The following LINGO1 variants were observed in gnomAD, a reference collection of about 807,000 sequenced individuals.
LINGO1 encodes leucine rich repeat and Ig domain containing 1.
A neutral mutation model predicts 37.3 loss-of-function variants in LINGO1; 11 were observed. The observed-to-expected ratio is 0.29, with a 90% CI of 0.19 to 0.49. The LOEUF (loss-of-function observed/expected upper bound fraction) is 0.49. LINGO1 is among the 20% of genes least tolerant of loss of function. The pLI is 0.99. For synonymous variants in LINGO1, 387 were observed against 403.0 expected (o/e 0.96, Z 0.48); for missense variants, 585 against 878.2 (o/e 0.67, Z 4.22).
intron 3 of LINGO1, chr15:77,648,643 C>T (rs893638663): frequency 2.6e-5 from 4 of 152,336 alleles, no homozygotes; most frequent in African/African-American, 9.6e-5. Flanking sequence ...CTTGTCTCAG[C>T]CTCTGGCCTG....
At chr15:77,636,584 T>C (rs891088259), upstream of LINGO1, among the ~76,000 whole-genome samples, 1 of 152,142 alleles carries the variant, frequency 6.6e-6, no homozygotes, top group African/African-American at 2.4e-5. Flanking sequence ...CCCCGTGTTC[T>C]ACTTTATGCC....
chr15:77,641,193 G>T lies in LINGO1; in HGVS notation c.-12-25293C>A, dbSNP rs936220230. 2.6e-5 allele frequency among the ~76,000 whole-genome samples: 4 copies of T among 152,338 alleles called. No individual in the cohort carries two copies. In the East Asian group the frequency reaches 7.7e-4, roughly 29 times the overall value. On this transcript the variant is annotated intron_variant, in intron 3 of 3. Transcript: ENST00000559893. ...GGAGGTGCCAGCTCAGCTGAGAGTG[G>T]GGTGCGAGGCTGAGGCTGCCACCAC...
rs112209041 is a variant in LINGO1 at position 77,632,311 on chromosome 15, T to C, written c.5A>G (p.Gln2Arg). The C allele has an allele frequency of 1.4e-6, 2 of 1,440,556 alleles. No homozygotes were observed. Among genetic ancestry groups the C allele is most frequent in the South Asian group, 1.4e-5 (1 of 72,414 alleles). 89.2% of individuals were successfully genotyped at this position (1,440,556 alleles called of 1,614,324 possible). A position where few individuals can be genotyped will look rare whatever the true frequency, so the allele number is the denominator to read the frequency against. Residue 2 changes from glutamine to arginine, a missense_variant and splice_region_variant, in exon 1 of 2, where the codon CAG becomes CGG. Transcript: ENST00000355300. This position sits in a 1 kb window ranked among gnomAD's most constrained non-coding sequence, Gnocchi z 6.0. M[Q>R]VSKRMLAGGV... is the part of the protein sequence containing the mutation. ...CTCGGCCGCGGCCGCCTGGCTCACC[T>C]GCATCTCGGGCGCGCCTTCGGTCCG...
At chr15:77,667,310 C>T (rs934942348) in intron 3 of LINGO1, among the ~76,000 whole-genome samples, 1 of 152,176 alleles carries the variant, frequency 6.6e-6, no homozygotes, top group Non-Finnish European at 1.5e-5. Flanking sequence ...TCTGGATGGC[C>T]CTCAATGGAG....
At chr15:77,618,401 T>C (rs927996119) in intron 1 of LINGO1, among the ~76,000 whole-genome samples, 1 of 152,234 alleles carries the variant, frequency 6.6e-6, no homozygotes, top group Non-Finnish European at 1.5e-5. Context: ...CATCTTGTTC[T>C]GGAGAACTGT....
At chr15:77,633,127 G>A (rs1046975638), upstream of LINGO1, among the ~76,000 whole-genome samples, 1 of 151,900 alleles carries the variant, frequency 6.6e-6, no homozygotes, top group South Asian at 2.1e-4. Flanking sequence ...GCAGGGGTGC[G>A]CAGGCGAGGG....
Position 77,613,861 on chromosome 15 carries a change from C to G in LINGO1, c.*183G>C. The G allele has an allele frequency of 1.6e-6, 1 of 617,652 alleles. No individual in the cohort carries two copies. Among genetic ancestry groups the G allele is most frequent in the Non-Finnish European group, 2.8e-6 (1 of 356,704 alleles). 38.3% of individuals were successfully genotyped at this position (617,652 alleles called of 1,614,324 possible). On this transcript the variant is annotated 3_prime_UTR_variant, in exon 2 of 2. Transcript: ENST00000355300. ...TCCCCAGGTCTGGGCTTCTGAGGTC[C>G]TGGTAGAAGGAGGGCAGGTGGTGAG...
intron 3 of LINGO1, among the ~76,000 whole-genome samples, chr15:77,674,812 T>C (rs1295425875): frequency 6.6e-6 from 1 of 151,820 alleles, no homozygotes; most frequent in Admixed American, 6.6e-5. Flanking sequence ...CCCATACGCA[T>C]GCTGTATTTT....
At chr15:77,634,422 G>A (rs115696764), upstream of LINGO1, 401 of 444,446 alleles carry the variant, frequency 9.0e-4, no homozygotes, top group African/African-American at 7.6e-3. Flanking sequence ...CCTCCTAGCA[G>A]GCGTCCATGC....
intron 1 of LINGO1, among the ~76,000 whole-genome samples, chr15:77,769,923 C>T (rs539891312): frequency 1.3e-5 from 2 of 152,238 alleles, no homozygotes; most frequent in Admixed American, 6.5e-5. Context: ...GTGAAGAAAC[C>T]GAGACTCAGT....
chr15:77,709,064 G>C (rs1042646873), intron 2 of LINGO1, among the ~76,000 whole-genome samples: 3 of 152,312 alleles, frequency 2.0e-5, no homozygotes, highest in African/African-American at 7.2e-5. Context: ...TCCTCTCCTA[G>C]AGCCCTGAGA....
At chr15:77,695,107 G>C (rs1302847646) in intron 1 of LINGO1, among the ~76,000 whole-genome samples, 1 of 152,198 alleles carries the variant, frequency 6.6e-6, no homozygotes, top group African/African-American at 2.4e-5. Flanking sequence ...AGCTGGGAGA[G>C]ATTAAAGAAC....
chr15:77,784,517 T>C (rs1456411329), intron 1 of LINGO1: 1 of 152,270 alleles, frequency 6.6e-6, no homozygotes, highest in East Asian at 1.9e-4. Context: ...AAACAATTTG[T>C]TACAATATCC....
intron 1 of LINGO1, among the ~76,000 whole-genome samples, chr15:77,801,278 A>G (rs990152014): frequency 6.6e-6 from 1 of 152,248 alleles, no homozygotes; most frequent in Non-Finnish European, 1.5e-5. Context: ...ACGTTTATCG[A>G]TAAGAGAAAG....
At chr15:77,768,382 G>A (rs1325599716) in intron 1 of LINGO1, among the ~76,000 whole-genome samples, 6 of 152,218 alleles carry the variant, frequency 3.9e-5, no homozygotes, top group Non-Finnish European at 5.9e-5. Context: ...TATTTTTCAT[G>A]TAACAAATAT....
intron 1 of LINGO1, among the ~76,000 whole-genome samples, chr15:77,747,159 C>A (rs1235299720): frequency 6.6e-6 from 1 of 152,198 alleles, no homozygotes; most frequent in Admixed American, 6.5e-5. Flanking sequence ...CAGGACTGCT[C>A]CTCCAGAGCT....
chr15:77,621,237 T>C (rs908131433), intron 1 of LINGO1, among the ~76,000 whole-genome samples: 16 of 152,284 alleles, frequency 1.1e-4, no homozygotes, highest in African/African-American at 3.6e-4. Flanking sequence ...GTATTTTTAC[T>C]AGAGACAGGG....
At chr15:77,652,513 TG>T (rs1330824718) in intron 3 of LINGO1, among the ~76,000 whole-genome samples, 8 of 151,426 alleles carry the variant, frequency 5.3e-5, no homozygotes, top group African/African-American at 1.7e-4. Context: ...TGTGTGTGTG[TG>T]TGTGTGTGTG....
intron 1 of LINGO1, among the ~76,000 whole-genome samples, chr15:77,765,801 G>C (rs1567571314): frequency 6.6e-6 from 1 of 152,184 alleles, no homozygotes; most frequent in Non-Finnish European, 1.5e-5. Flanking sequence ...AGTCCTTCTA[G>C]GAGATGCTGC....
Sources: allele counts gnomAD v4.1 joint callset (sites outside exome capture counted in the v4.1 genomes callset), GRCh38; gene constraint gnomAD v4.1.1; non-coding constraint Gnocchi (gnomAD v3.1); transcripts MANE v1.5; gene names NCBI Gene and HGNC (gene_info 2026-07-23, HGNC 2026-07-21).